Variants in DCTN4 observed in about 807,000 individuals in gnomAD.
The protein encoded by DCTN4 is dynactin 4 (p62).
DCTN4 carries 23 observed loss-of-function variants against 62.7 expected under a neutral mutation model. The ratio of observed to expected loss-of-function variants is 0.37; its 90% CI spans 0.26 to 0.52. DCTN4 has a LOEUF of 0.52. Ranked by LOEUF, DCTN4 falls within the 20% of genes least tolerant of loss-of-function variation. DCTN4 has a pLI of 0.92. For missense variants in DCTN4, 514 were observed against 580.4 expected (o/e 0.89, Z 1.18); for synonymous variants, 199 against 202.1 (o/e 0.98, Z 0.13).
intron 3 of DCTN4, among the ~76,000 whole-genome samples, chr5:150,747,850 T>C (rs1433657231): frequency 8.1e-5 from 12 of 147,440 alleles, no homozygotes; most frequent in African/African-American, 3.1e-4. Context: ...GAAGAAAACC[T>C]AGGCATTACC....
At chr5:150,733,152 G>C (rs1394303689) in intron 5 of DCTN4, among the ~76,000 whole-genome samples, 4 of 152,206 alleles carry the variant, frequency 2.6e-5, no homozygotes, top group Admixed American at 2.0e-4. Context: ...GGGAGTGATG[G>C]AGAAAGAAAC....
At chr5:150,725,849 C>T (rs1246156428) in intron 8 of DCTN4, among the ~76,000 whole-genome samples, 13 of 152,198 alleles carry the variant, frequency 8.5e-5, no homozygotes, top group African/African-American at 3.1e-4. Flanking sequence ...TGGATGGGTG[C>T]CCCAGGTCTC....
At chr5:150,754,550 A>C (rs1752788827) in intron 2 of DCTN4, among the ~76,000 whole-genome samples, 2 of 152,218 alleles carry the variant, frequency 1.3e-5, no homozygotes, top group Non-Finnish European at 2.9e-5. Flanking sequence ...CTTCAAGCTA[A>C]AAACTAAACA....
chr5:150,736,127 A>C (rs1316205514), intron 4 of DCTN4, among the ~76,000 whole-genome samples: 4 of 152,138 alleles, frequency 2.6e-5, no homozygotes, highest in Admixed American at 6.5e-5. Context: ...TAAGCTACCA[A>C]AACTAAGAAT....
chr5:150,724,536 T>A (rs1760069769), intron 8 of DCTN4, among the ~76,000 whole-genome samples: 1 of 152,242 alleles, frequency 6.6e-6, no homozygotes, highest in Admixed American at 6.5e-5. Context: ...CCAGAAGTCA[T>A]GAAGGTATTC....
chr5:150,751,754 G>GA (rs142962273), intron 3 of DCTN4, among the ~76,000 whole-genome samples: 6,247 of 152,108 alleles, frequency 0.041, 452 homozygotes, highest in African/African-American at 0.14. Context: ...TTCTGTTTTT[G>GA]AAAAGAGTAT....
At chr5:150,737,936 T>A (rs1311085304) in intron 4 of DCTN4, among the ~76,000 whole-genome samples, 1 of 152,046 alleles carries the variant, frequency 6.6e-6, no homozygotes. Flanking sequence ...TGGGAGATAT[T>A]ACAACTGATA....
chr5:150,739,740 A>G (rs1446426248), intron 4 of DCTN4, among the ~76,000 whole-genome samples: 1 of 152,250 alleles, frequency 6.6e-6, no homozygotes, highest in East Asian at 1.9e-4. Context: ...CACACAGATC[A>G]ATGAAACAGA....
Position 150,741,228 on chromosome 5 carries a change from C to T in DCTN4, c.429+886G>A, listed in dbSNP as rs1581591420. 2.0e-5 allele frequency among the ~76,000 whole-genome samples: 3 copies of T among 149,854 alleles called. No homozygotes were observed. The South Asian group carries it at 6.4e-4, about 32-fold the overall frequency. Reference sequence around the variant, plus strand: ...ATGAAAAGAATAAAAAGCAAAACTTCTCTTTTATCCCTTCTGCCCAAGTTG... The same window carrying T: ...ATGAAAAGAATAAAAAGCAAAACTTTTCTTTTATCCCTTCTGCCCAAGTTG... On this transcript the variant is annotated intron_variant, in intron 4 of 12. Transcript: ENST00000447998.
chr5:150,745,692 C>A (rs901734880), intron 3 of DCTN4, among the ~76,000 whole-genome samples: 1 of 152,138 alleles, frequency 6.6e-6, no homozygotes, highest in African/African-American at 2.4e-5. Flanking sequence ...TGAATGACTG[C>A]TGGGTATATA....
At chr5:150,755,222 G>C (rs1034854474) in intron 2 of DCTN4, among the ~76,000 whole-genome samples, 3 of 152,264 alleles carry the variant, frequency 2.0e-5, no homozygotes, top group Non-Finnish European at 4.4e-5. Context: ...TGTCCTATAA[G>C]TAAGTGATTT....
chr5:150,756,555 T>C, intron 1 of DCTN4, 68 bp from the exon 2 acceptor site: 1 of 967,406 alleles, frequency 1.0e-6, no homozygotes. Context: ...ATATGTCTTG[T>C]CAAATAGTGA....
chr5:150,742,458 G>T (rs1760802813), intron 3 of DCTN4, among the ~76,000 whole-genome samples: 1 of 152,154 alleles, frequency 6.6e-6, no homozygotes, highest in South Asian at 2.1e-4. Context: ...TATATATGAG[G>T]AAACTGAGGC....
At chr5:150,727,235 T>C (rs1249745350) in intron 8 of DCTN4, among the ~76,000 whole-genome samples, 1 of 152,230 alleles carries the variant, frequency 6.6e-6, no homozygotes, top group Admixed American at 6.5e-5. Context: ...AATTATCAAC[T>C]GCTAAATAAT....
chr5:150,753,346 C>T (rs1039953855), intron 3 of DCTN4, 133 bp downstream of exon 3: 3 of 704,080 alleles, frequency 4.3e-6, no homozygotes, highest in African/African-American at 3.6e-5. Context: ...CATATGGGAA[C>T]ACAGAAGAGT....
Position 150,731,697 on chromosome 5 carries a change from T to C in DCTN4, c.538-208A>G. The C allele has an allele frequency of 4.6e-6, 3 of 645,902 alleles. No individual in the cohort carries two copies. The South Asian group carries it at 5.9e-5, about 13-fold the overall frequency. 40.0% of individuals were successfully genotyped at this position (645,902 alleles called of 1,614,324 possible). On this transcript the variant is annotated intron_variant, in intron 5 of 12. Transcript: ENST00000447998. ...TAATAACAGCACTAAACATGGAGAT[T>C]GAAACTATATTAATACAGTAAAAAT...
At chr5:150,744,688 C>G (rs1002239336) in intron 3 of DCTN4, among the ~76,000 whole-genome samples, 4 of 151,592 alleles carry the variant, frequency 2.6e-5, no homozygotes, top group African/African-American at 9.7e-5. Flanking sequence ...TCCAGCCAAA[C>G]TAAGCTTCAT....
At chr5:150,758,415 G>A in intron 1 of DCTN4, 2 of 990,438 alleles carry the variant, frequency 2.0e-6, no homozygotes, top group African/African-American at 3.5e-5. Flanking sequence ...TCTGACGAGG[G>A]CCCAGTTTCT....
chr5:150,734,658 G>A (rs184807389), intron 4 of DCTN4, among the ~76,000 whole-genome samples: 108 of 152,310 alleles, frequency 7.1e-4, no homozygotes, highest in African/African-American at 2.3e-3. Context: ...TGGGGAAGGC[G>A]TAAAGGGGAA....
Sources: allele counts gnomAD v4.1 joint callset (sites outside exome capture counted in the v4.1 genomes callset), GRCh38; gene constraint gnomAD v4.1.1; transcripts MANE v1.5; gene names NCBI Gene and HGNC (gene_info 2026-07-23, HGNC 2026-07-21).